The following LUZP2 variants were observed in gnomAD, a reference collection of about 807,000 sequenced individuals.
LUZP2 encodes the protein leucine zipper protein 2.
Under a neutral mutation model 51.6 loss-of-function variants are expected in LUZP2, and 52 were observed. The observed-to-expected ratio is 1.01, with a 90% confidence interval of 0.81 to 1.27. The LOEUF (loss-of-function observed/expected upper bound fraction) is 1.27, where lower values mean the gene tolerates loss of function less well. Ranked by LOEUF, LUZP2 falls within the 50% of genes most tolerant of loss-of-function variation. The pLI is 0.00. For missense variants in LUZP2, 436 were observed against 395.4 expected, an observed-to-expected ratio of 1.10 and a Z score of -0.87; for synonymous variants, 154 against 137.3, an observed-to-expected ratio of 1.12 and a Z score of -0.85.
At chr11:24,807,093 G>C (rs1849876644) in intron 5 of LUZP2, among the ~76,000 whole-genome samples, 1 of 150,568 alleles carries the variant, frequency 6.6e-6, no homozygotes, top group African/African-American at 2.4e-5. Flanking sequence ...CTGGTTATAG[G>C]TCATTACAAA....
intron 1 of LUZP2, among the ~76,000 whole-genome samples, chr11:24,683,765 C>T (rs1000273478): frequency 6.6e-6 from 1 of 152,210 alleles, no homozygotes; most frequent in Non-Finnish European, 1.5e-5. Context: ...GCCTCTTGCA[C>T]TTACCACTGC....
intron 5 of LUZP2, chr11:24,786,300 G>A (rs1394858198): frequency 1.0e-6 from 1 of 976,168 alleles, no homozygotes; most frequent in Non-Finnish European, 1.2e-6. Context: ...AAAATAGTAT[G>A]TTTTATTATT....
rs1321877789 is a variant in LUZP2 at position 24,546,957 on chromosome 11, TTGTTGTTGGTGGTGGTGGTGG to T, written c.62+49655_62+49675del. On this transcript the variant is annotated intron_variant, in intron 1 of 11. Coordinates refer to ENST00000336930, the MANE Select transcript of LUZP2 (RefSeq NM_001009909.4). ...GTGTGTGTTTTTGTTGTTGTTGTTG[TTGTTGTTGGTGGTGGTGGTGG>T]TGGTGGTGGTGGTGGTGGTTGGTAG... Among the ~76,000 whole-genome samples the T allele has an allele frequency of 3.7e-5, 3 of 80,164 alleles. No homozygotes were observed. The East Asian group carries it at 1.1e-3, about 29-fold the overall frequency. 52.6% of individuals were successfully genotyped at this position (80,164 alleles called of 152,430 possible).
In LUZP2 at chr11:24,658,502, G is replaced by A. The variant is rs376056297; in HGVS notation, c.63-70667G>A. On this transcript the variant is annotated intron_variant, in intron 1 of 11. Transcript: ENST00000336930. ...AGAAAACCTAGGCAATACCATTCAG[G>A]ACATAGGCATGGGCAAGGACTTCAT... Among the ~76,000 whole-genome samples the A allele has an allele frequency of 6.1e-3, 933 of 152,200 alleles. 4 individuals are homozygous for A. The highest frequency in any genetic ancestry group is 0.011 in the Non-Finnish European group (731 of 68,000).
chr11:24,979,761 T>G (rs1314828143), intron 8 of LUZP2, among the ~76,000 whole-genome samples: 1 of 151,682 alleles, frequency 6.6e-6, no homozygotes, highest in Non-Finnish European at 1.5e-5. Flanking sequence ...ACTTTTACAC[T>G]AAAAATGTTT....
At chr11:24,813,026 C>A (rs899889961) in intron 5 of LUZP2, among the ~76,000 whole-genome samples, 14 of 152,134 alleles carry the variant, frequency 9.2e-5, no homozygotes, top group Non-Finnish European at 1.6e-4. Context: ...CTTTGCTCAC[C>A]ACATTCAGTC....
In LUZP2 at chr11:24,724,788, A is replaced by C. The variant is rs970467255; in HGVS notation, c.63-4381A>C. Among the ~76,000 whole-genome samples the C allele has an allele frequency of 3.9e-5, 6 of 152,344 alleles. No individual in the cohort carries two copies. The East Asian group carries it at 7.7e-4, about 20-fold the overall frequency. On this transcript the variant is annotated intron_variant, in intron 1 of 11. Transcript: ENST00000336930. ...AAAAGTCAACAGAATAAACTGAATA[A>C]CTATGACAACTAATAAAGATGTTCA... is the stretch of plus-strand genomic sequence containing the variant.
intron 1 of LUZP2, among the ~76,000 whole-genome samples, chr11:24,699,562 G>A (rs1280881355): frequency 6.6e-6 from 1 of 151,716 alleles, no homozygotes; most frequent in East Asian, 1.9e-4. Flanking sequence ...GCACACAGAA[G>A]TTTTTGGGGG....
intron 5 of LUZP2, 38 bp from the exon 6 acceptor site, chr11:24,905,953 G>A (rs753206573): frequency 9.9e-6 from 14 of 1,416,298 alleles, no homozygotes; most frequent in African/African-American, 2.8e-5. Context: ...TTAATATTTT[G>A]TCTCTTCTTT....
intron 7 of LUZP2, among the ~76,000 whole-genome samples, chr11:24,961,202 G>T (rs1457890300): frequency 1.3e-5 from 2 of 152,146 alleles, no homozygotes; most frequent in African/African-American, 2.4e-5. Flanking sequence ...GTGGTGTGGT[G>T]CTGAAAAAAA....
At chr11:24,934,065 C>T (rs1179897865) in intron 7 of LUZP2, among the ~76,000 whole-genome samples, 3 of 152,230 alleles carry the variant, frequency 2.0e-5, no homozygotes, top group Middle Eastern at 3.4e-3. Flanking sequence ...AGTACATTAT[C>T]GCAAGGGCAG....
chr11:25,019,614 C>G (rs571035739), intron 9 of LUZP2, among the ~76,000 whole-genome samples: 1 of 152,206 alleles, frequency 6.6e-6, no homozygotes, highest in South Asian at 2.1e-4. Flanking sequence ...TTTATGTCCT[C>G]CTTTCTTCCT....
intron 1 of LUZP2, among the ~76,000 whole-genome samples, chr11:24,701,100 G>A (rs949010435): frequency 1.3e-5 from 2 of 152,174 alleles, no homozygotes; most frequent in Non-Finnish European, 2.9e-5. Context: ...CCAAAGGCTG[G>A]GTAATTTATA....
chr11:24,617,746 C>T (rs67801635), intron 1 of LUZP2, among the ~76,000 whole-genome samples: 2 of 151,726 alleles, frequency 1.3e-5, no homozygotes, highest in African/African-American at 4.8e-5. Flanking sequence ...TCTTGAACCT[C>T]GGAGGTGGAG....
chr11:24,702,259 T>C (rs1857441338), intron 1 of LUZP2, among the ~76,000 whole-genome samples: 1 of 152,256 alleles, frequency 6.6e-6, no homozygotes, highest in Middle Eastern at 3.4e-3. Flanking sequence ...TAAAAAATAA[T>C]TACAATACAT....
intron 10 of LUZP2, among the ~76,000 whole-genome samples, chr11:25,066,883 C>T (rs1409694100): frequency 2.0e-5 from 3 of 151,936 alleles, no homozygotes; most frequent in African/African-American, 7.2e-5. Context: ...AAAAGGTTGT[C>T]TGTTTCTATC....
chr11:25,062,965 C>T (rs914448975), intron 10 of LUZP2, among the ~76,000 whole-genome samples: 1 of 151,208 alleles, frequency 6.6e-6, no homozygotes. Flanking sequence ...TCTTAGTGCC[C>T]AGTTTCTTTT....
chr11:24,860,762 C>A (rs1851716117), intron 5 of LUZP2, among the ~76,000 whole-genome samples: 1 of 152,134 alleles, frequency 6.6e-6, no homozygotes, highest in Non-Finnish European at 1.5e-5. Context: ...ACAACTGCAT[C>A]AACGACAACA....
chr11:24,923,890 G>A (rs1227171607), intron 7 of LUZP2, among the ~76,000 whole-genome samples: 1 of 152,112 alleles, frequency 6.6e-6, no homozygotes. Flanking sequence ...ATATTTTGCT[G>A]CTTCCTCTAC....
Sources: allele counts gnomAD v4.1 joint callset (sites outside exome capture counted in the v4.1 genomes callset), GRCh38; gene constraint gnomAD v4.1.1; transcripts MANE v1.5; gene names NCBI Gene and HGNC (gene_info 2026-07-23, HGNC 2026-07-21).